Variants in RANBP17 observed in about 807,000 individuals in gnomAD.
The protein encoded by RANBP17 is RAN binding protein 17.
RANBP17 carries 158 observed loss-of-function variants against 141.2 expected under a neutral mutation model. The ratio of observed to expected loss-of-function variants is 1.12; its 90% CI spans 0.98 to 1.28. RANBP17 has a LOEUF of 1.28. Ranked by LOEUF, RANBP17 falls within the 50% of genes most tolerant of loss-of-function variation. The pLI, the probability that RANBP17 is intolerant of heterozygous loss-of-function variation, is 0.00. For synonymous variants in RANBP17, 430 were observed against 450.0 expected (o/e 0.96, Z 0.56); for missense variants, 1,438 against 1,290.7 (o/e 1.11, Z -1.75).
intron 25 of RANBP17, among the ~76,000 whole-genome samples, chr5:171,274,851 A>G (rs1431161504): frequency 6.6e-6 from 1 of 152,256 alleles, no homozygotes; most frequent in Non-Finnish European, 1.5e-5. Flanking sequence ...AGATTATATC[A>G]TAATATACTA....
chr5:171,093,023 A>G lies in RANBP17; in HGVS notation c.1711-77107A>G, dbSNP rs141519571. 3.4e-3 allele frequency among the ~76,000 whole-genome samples: 521 copies of G among 152,172 alleles called. 5 individuals are homozygous for G. The highest frequency in any genetic ancestry group is 5.5e-3 in the Non-Finnish European group (377 of 67,986). Reference sequence around the variant, plus strand: ...GTAAAGTCAAATTCCTGCCACTCCAATTTTCTACCAGCATCTAAGTCCTCA... The same window carrying G: ...GTAAAGTCAAATTCCTGCCACTCCAGTTTTCTACCAGCATCTAAGTCCTCA... On this transcript the variant is annotated intron_variant, in intron 14 of 27. Coordinates refer to ENST00000523189, the MANE Select transcript of RANBP17 (RefSeq NM_022897.5).
chr5:171,004,503 A>G (rs1779442053), intron 14 of RANBP17, among the ~76,000 whole-genome samples: 1 of 152,266 alleles, frequency 6.6e-6, no homozygotes, highest in South Asian at 2.1e-4. Flanking sequence ...GGCAAGGGAA[A>G]CAGGCCCTTG....
chr5:171,258,095 A>T (rs560678776), intron 24 of RANBP17, among the ~76,000 whole-genome samples: 4 of 146,504 alleles, frequency 2.7e-5, no homozygotes, highest in Non-Finnish European at 6.0e-5. Flanking sequence ...AACAAGAGCA[A>T]AACTCCATCT....
chr5:171,194,979 G>A (rs141828061), intron 18 of RANBP17, among the ~76,000 whole-genome samples: 3 of 152,248 alleles, frequency 2.0e-5, no homozygotes, highest in African/African-American at 7.2e-5. Flanking sequence ...CTTACAAAAT[G>A]AATAACTTTC....
chr5:171,022,274 G>C (rs1240058442), intron 14 of RANBP17, among the ~76,000 whole-genome samples: 1 of 152,208 alleles, frequency 6.6e-6, no homozygotes, highest in Admixed American at 6.5e-5. Context: ...CACCCAGTTG[G>C]GTGGCACAGG....
At chr5:170,937,128 T>C (rs79818251) in intron 12 of RANBP17, among the ~76,000 whole-genome samples, 8 of 152,306 alleles carry the variant, frequency 5.3e-5, no homozygotes, top group African/African-American at 1.9e-4. Context: ...ATTTGCTAGG[T>C]GGAGGACACC....
intron 14 of RANBP17, among the ~76,000 whole-genome samples, chr5:171,141,789 T>A (rs986591742): frequency 1.1e-4 from 16 of 152,102 alleles, no homozygotes; most frequent in Non-Finnish European, 2.2e-4. Flanking sequence ...AGTCACTCAA[T>A]TTTTTTATGA....
At chr5:171,008,396 C>T (rs373076288) in intron 14 of RANBP17, among the ~76,000 whole-genome samples, 36 of 152,232 alleles carry the variant, frequency 2.4e-4, no homozygotes, top group African/African-American at 7.9e-4. Flanking sequence ...CCCTCTGACC[C>T]GGGTCTTTGG....
Position 170,947,246 on chromosome 5 carries a change from T to C in RANBP17, c.1469-6351T>C, listed in dbSNP as rs569546315. On this transcript the variant is annotated intron_variant, in intron 12 of 27. Coordinates refer to ENST00000523189, the MANE Select transcript of RANBP17 (RefSeq NM_022897.5). ...GGTAATGTTAACCTTTCCTTTCCTT[T>C]TTCATGCCATGTTTTCTATATAATG... Among the ~76,000 whole-genome samples the C allele has an allele frequency of 2.6e-5, 4 of 152,256 alleles. No individual in the cohort carries two copies. In the East Asian group the frequency reaches 5.8e-4, roughly 22 times the overall value.
chr5:170,953,249 C>T (rs1176916235), intron 12 of RANBP17, among the ~76,000 whole-genome samples: 3 of 152,132 alleles, frequency 2.0e-5, no homozygotes, highest in South Asian at 4.1e-4. Context: ...GTGTTTTGTA[C>T]TCAAATTTAT....
intron 18 of RANBP17, among the ~76,000 whole-genome samples, chr5:171,194,561 A>G (rs1406662924): frequency 4.6e-5 from 7 of 152,326 alleles, no homozygotes; most frequent in Non-Finnish European, 1.0e-4. Flanking sequence ...TGGCTGAATA[A>G]TATTCCGTAG....
At chr5:171,044,604 C>A (rs989461004) in intron 14 of RANBP17, among the ~76,000 whole-genome samples, 1 of 151,870 alleles carries the variant, frequency 6.6e-6, no homozygotes, top group Non-Finnish European at 1.5e-5. Context: ...GAGAAACTGT[C>A]AATAAATTTA....
chr5:171,121,207 C>T (rs1756007038), intron 14 of RANBP17, among the ~76,000 whole-genome samples: 2 of 152,194 alleles, frequency 1.3e-5, no homozygotes, highest in South Asian at 4.1e-4. Flanking sequence ...CGCAGTTGCT[C>T]GGCTGTCCTG....
At position 171,242,780 on chromosome 5, in the gene RANBP17, G is replaced by C. The variant is rs200005387; in HGVS notation, c.2736G>C (p.Met912Ile). The C allele has an allele frequency of 7.9e-5, 128 of 1,613,504 alleles. No homozygotes were observed. The highest frequency in any genetic ancestry group is 1.0e-4 in the Non-Finnish European group (120 of 1,179,678). Residue 912 changes from methionine (M) to isoleucine (I), a missense_variant, in exon 24 of 28, where the codon ATG becomes ATC. Physicochemically the swap from Met to Ile is conservative, Grantham distance 10. Coordinates refer to ENST00000523189, the MANE Select transcript of RANBP17 (RefSeq NM_022897.5). The stretch of plus-strand genomic sequence containing the variant: ...TCAACTTAGAGCCTCCTGTACTCAT[G>C]TATGTTCTCACATCTATCTCAGAGG... ...FIINLEPPVL[M>I]YVLTSISEGL... is the part of the protein sequence containing the mutation.
intron 13 of RANBP17, among the ~76,000 whole-genome samples, chr5:170,964,554 C>G (rs1450373730): frequency 2.0e-5 from 3 of 152,122 alleles, no homozygotes; most frequent in African/African-American, 7.2e-5. Flanking sequence ...CACCTCCCCC[C>G]ACCCCACAAC....
chr5:171,027,668 A>G (rs1285082125), intron 14 of RANBP17, among the ~76,000 whole-genome samples: 1 of 151,910 alleles, frequency 6.6e-6, no homozygotes, highest in Non-Finnish European at 1.5e-5. Flanking sequence ...TTTACACTTA[A>G]GTTTAACTAC....
At chr5:171,116,609 G>A (rs895101158) in intron 14 of RANBP17, among the ~76,000 whole-genome samples, 2 of 152,116 alleles carry the variant, frequency 1.3e-5, no homozygotes, top group African/African-American at 4.8e-5. Flanking sequence ...TACATATAAT[G>A]TGTAGTGATC....
At chr5:171,089,799 G>A (rs1581608619) in intron 14 of RANBP17, among the ~76,000 whole-genome samples, 1 of 152,230 alleles carries the variant, frequency 6.6e-6, no homozygotes, top group East Asian at 1.9e-4. Context: ...GTGAGGCAAT[G>A]CCTCGCCCTG....
chr5:170,888,553 T>G (rs1438679303), intron 3 of RANBP17, among the ~76,000 whole-genome samples: 1 of 152,202 alleles, frequency 6.6e-6, no homozygotes, highest in East Asian at 1.9e-4. Context: ...CTTTGGTATA[T>G]TAACCCATAT....
Sources: allele counts gnomAD v4.1 joint callset (sites outside exome capture counted in the v4.1 genomes callset), GRCh38; gene constraint gnomAD v4.1.1; transcripts MANE v1.5; gene names NCBI Gene and HGNC (gene_info 2026-07-23, HGNC 2026-07-21).